DLC1: variants seen among roughly 807,000 people sequenced by gnomAD.
The protein encoded by DLC1 is rho GTPase-activating protein 7.
DLC1 carries 54 observed loss-of-function variants against 140.3 expected under a neutral mutation model. The ratio of observed to expected loss-of-function variants is 0.38; its 90% CI spans 0.31 to 0.48. The LOEUF (loss-of-function observed/expected upper bound fraction) is 0.48. DLC1 is among the 20% of genes least tolerant of loss of function. The pLI is 0.96. For synonymous variants in DLC1, 986 were observed against 728.1 expected, an observed-to-expected ratio of 1.35 and a Z score of -5.70; for missense variants, 2,536 against 1,907.0, an observed-to-expected ratio of 1.33 and a Z score of -6.14.
At chr8:13,355,112 CA>C (rs904804594) in intron 4 of DLC1, among the ~76,000 whole-genome samples, 1 of 44,840 alleles carries the variant, frequency 2.2e-5, no homozygotes, top group African/African-American at 6.2e-5. Context: ...CAATATATAC[CA>C]TAAAGAATTA....
At chr8:13,527,494 A>G (rs970665999) in intron 1 of DLC1, among the ~76,000 whole-genome samples, 1 of 152,138 alleles carries the variant, frequency 6.6e-6, no homozygotes, top group Non-Finnish European at 1.5e-5. Flanking sequence ...ATTTGCGGAT[A>G]TTAAGGAAAA....
chr8:13,453,387 G>GATATATATATAT (rs375440831), intron 2 of DLC1, among the ~76,000 whole-genome samples: 4 of 52,448 alleles, frequency 7.6e-5, no homozygotes, highest in Admixed American at 3.0e-4. Flanking sequence ...GATGGCCCAG[G>GATATATATATAT]ATATATATAT....
chr8:13,129,534 A>G (rs1010578933), intron 5 of DLC1, among the ~76,000 whole-genome samples: 6 of 152,232 alleles, frequency 3.9e-5, no homozygotes, highest in African/African-American at 1.4e-4. Flanking sequence ...AGATCCTGAT[A>G]AAATGAGCAT....
At chr8:13,238,881 C>A (rs1011215765) in intron 5 of DLC1, among the ~76,000 whole-genome samples, 2 of 152,156 alleles carry the variant, frequency 1.3e-5, no homozygotes, top group African/African-American at 4.8e-5. Context: ...AGAAGCTGAG[C>A]AAGCATTTGC....
intron 5 of DLC1, among the ~76,000 whole-genome samples, chr8:13,148,059 T>C (rs1020321324): frequency 1.3e-5 from 2 of 152,164 alleles, no homozygotes; most frequent in African/African-American, 2.4e-5. Context: ...TTCCTCTCTA[T>C]AGAAATGATG....
intron 4 of DLC1, among the ~76,000 whole-genome samples, chr8:13,352,864 G>A (rs922366413): frequency 5.9e-5 from 9 of 151,970 alleles, no homozygotes; most frequent in African/African-American, 1.7e-4. Context: ...CCAGGAACAC[G>A]AGTATTTTAA....
chr8:13,090,189 TC>T (rs1817925372), intron 15 of DLC1, 62 bp downstream of exon 15: 1 of 1,498,246 alleles, frequency 6.7e-7, no homozygotes, highest in South Asian at 1.3e-5. Flanking sequence ...AAGCGTGTTA[TC>T]TCTGATGGAC....
chr8:13,512,654 G>C (rs1802429831), intron 1 of DLC1, among the ~76,000 whole-genome samples: 1 of 152,108 alleles, frequency 6.6e-6, no homozygotes, highest in Non-Finnish European at 1.5e-5. Context: ...ATAGAAGAAA[G>C]GATGCCTGGG....
At chr8:13,107,451 A>G (rs1406542651) in intron 7 of DLC1, among the ~76,000 whole-genome samples, 1 of 152,216 alleles carries the variant, frequency 6.6e-6, no homozygotes, top group Non-Finnish European at 1.5e-5. Flanking sequence ...GATTTTGTAA[A>G]ATGTTTAAGC....
chr8:13,139,847 C>A (rs1822842764), intron 5 of DLC1, among the ~76,000 whole-genome samples: 1 of 152,194 alleles, frequency 6.6e-6, no homozygotes. Context: ...TTCATAAAAG[C>A]AACTAGGCTA....
chr8:13,276,608 C>G (rs1229848308), intron 5 of DLC1: 1 of 1,239,510 alleles, frequency 8.1e-7, no homozygotes, highest in East Asian at 3.4e-5. Flanking sequence ...AAGACTTACC[C>G]TGCGCCGGCG....
At chr8:13,244,526 T>C (rs1371575690) in intron 5 of DLC1, among the ~76,000 whole-genome samples, 1 of 152,082 alleles carries the variant, frequency 6.6e-6, no homozygotes, top group East Asian at 1.9e-4. Flanking sequence ...CTCAAACTCC[T>C]GGCCTAAAGT....
At chr8:13,342,970 T>C (rs1381339175) in intron 4 of DLC1, among the ~76,000 whole-genome samples, 1 of 152,158 alleles carries the variant, frequency 6.6e-6, no homozygotes, top group Non-Finnish European at 1.5e-5. Context: ...GTCTTTTGTG[T>C]GACTTGGTGA....
At chr8:13,245,538 G>A (rs374673702) in intron 5 of DLC1, among the ~76,000 whole-genome samples, 9 of 152,054 alleles carry the variant, frequency 5.9e-5, no homozygotes, top group African/African-American at 1.9e-4. Context: ...ATTCTTCCTT[G>A]TGCCTCCTGG....
chr8:13,558,601 A>C (rs906360061), intron 1 of DLC1: 1 of 152,214 alleles, frequency 6.6e-6, no homozygotes, highest in African/African-American at 2.4e-5. Flanking sequence ...GAAAGCATGC[A>C]ATGAGACACA....
chr8:13,286,139 G>A (rs1160320835), intron 5 of DLC1, among the ~76,000 whole-genome samples: 1 of 152,172 alleles, frequency 6.6e-6, no homozygotes, highest in African/African-American at 2.4e-5. Context: ...ACATATAGAA[G>A]TGATAGAATT....
chr8:13,561,229 C>T (rs1483936224), intron 1 of DLC1, among the ~76,000 whole-genome samples: 1 of 151,896 alleles, frequency 6.6e-6, no homozygotes, highest in Non-Finnish European at 1.5e-5. Context: ...CAGCAATCCT[C>T]CTGCCTCAGC....
At chr8:13,228,780 G>GAA (rs1041628459) in intron 5 of DLC1, among the ~76,000 whole-genome samples, 9 of 152,286 alleles carry the variant, frequency 5.9e-5, no homozygotes, top group Admixed American at 1.3e-4. Context: ...GATCCGGATA[G>GAA]ACATTTCTTC....
intron 4 of DLC1, chr8:13,341,886 A>G (rs1322937061): frequency 6.6e-6 from 1 of 152,210 alleles, no homozygotes; most frequent in African/African-American, 2.4e-5. Flanking sequence ...ACCGGTGAAC[A>G]TGAAATAAGG....
Sources: gnomAD v4.1 joint callset for allele counts (sites outside exome capture counted in the v4.1 genomes callset) on GRCh38, gnomAD v4.1.1 for gene constraint, MANE v1.5 for transcripts, NCBI Gene and HGNC (gene_info 2026-07-23, HGNC 2026-07-21) for gene names.